The following NLK variants were observed in gnomAD, a reference collection of about 807,000 sequenced individuals.
The protein encoded by NLK is serine/threonine-protein kinase NLK.
NLK carries 11 observed loss-of-function variants against 59.0 expected under a neutral mutation model. The observed-to-expected ratio is 0.19, with a 90% CI of 0.12 to 0.31. The LOEUF is 0.31. Ranked by LOEUF, NLK falls within the 10% of genes least tolerant of loss-of-function variation. The pLI is 1.00. For synonymous variants in NLK, 235 were observed against 235.9 expected (o/e 1.00, Z 0.03); for missense variants, 410 against 661.1 (o/e 0.62, Z 4.16).
At chr17:28,078,986 A>G (rs1394540403) in intron 1 of NLK, among the ~76,000 whole-genome samples, 1 of 152,184 alleles carries the variant, frequency 6.6e-6, no homozygotes, top group Non-Finnish European at 1.5e-5. Context: ...GATCTCTAGA[A>G]CTTTTTCATC....
chr17:28,046,750 G>A (rs1220490081), intron 1 of NLK, among the ~76,000 whole-genome samples: 1 of 152,134 alleles, frequency 6.6e-6, no homozygotes, highest in East Asian at 1.9e-4. Flanking sequence ...TTTGAGGATC[G>A]CTGTGCCTAG....
chr17:28,159,930 A>G (rs1047424644), intron 3 of NLK, among the ~76,000 whole-genome samples: 1 of 152,218 alleles, frequency 6.6e-6, no homozygotes, highest in Non-Finnish European at 1.5e-5. Flanking sequence ...GGAGTAAAGG[A>G]TAACTCCTTG....
chr17:28,093,563 T>G (rs975802648), intron 1 of NLK, among the ~76,000 whole-genome samples: 1 of 152,140 alleles, frequency 6.6e-6, no homozygotes, highest in Admixed American at 6.5e-5. Flanking sequence ...TCACAGAACT[T>G]GAGTTGAGGG....
chr17:28,107,292 G>A (rs748344353), intron 1 of NLK, among the ~76,000 whole-genome samples: 18 of 151,994 alleles, frequency 1.2e-4, no homozygotes, highest in Non-Finnish European at 2.1e-4. Context: ...AAAATTAGCT[G>A]GGCGTGGTGG....
chr17:28,149,020 C>T (rs1907369606), intron 3 of NLK, among the ~76,000 whole-genome samples: 1 of 152,188 alleles, frequency 6.6e-6, no homozygotes, highest in African/African-American at 2.4e-5. Context: ...ATAGTGAGCA[C>T]TCAATAAATG....
intron 1 of NLK, among the ~76,000 whole-genome samples, chr17:28,068,185 C>T (rs1267796123): frequency 6.6e-6 from 1 of 151,514 alleles, no homozygotes; most frequent in African/African-American, 2.4e-5. Context: ...GTTCCAATAC[C>T]ATTTGTTGAA....
At chr17:28,083,069 T>G (rs903722229) in intron 1 of NLK, among the ~76,000 whole-genome samples, 3 of 152,222 alleles carry the variant, frequency 2.0e-5, no homozygotes, top group Non-Finnish European at 4.4e-5. Flanking sequence ...ACTGTTCTTA[T>G]GATACCATTC....
intron 1 of NLK, among the ~76,000 whole-genome samples, chr17:28,072,503 C>T (rs1910040814): frequency 6.6e-6 from 1 of 151,618 alleles, no homozygotes. Flanking sequence ...TTTTTAAAAA[C>T]TTTTTGTAGA....
intron 1 of NLK, among the ~76,000 whole-genome samples, chr17:28,045,713 C>G (rs551634819): frequency 1.4e-4 from 22 of 152,166 alleles, no homozygotes; most frequent in Admixed American, 2.0e-4. Context: ...TGTTGTATGA[C>G]CTAAGTAAGA....
chr17:28,181,240 A>G (rs1908892039), intron 7 of NLK, among the ~76,000 whole-genome samples: 1 of 152,170 alleles, frequency 6.6e-6, no homozygotes, highest in African/African-American at 2.4e-5. Context: ...TCCACTAAAA[A>G]TACAAAAAAA....
At chr17:28,172,746 G>A (rs1340384209) in intron 7 of NLK, 128 bp downstream of exon 7, 8 of 413,892 alleles carry the variant, frequency 1.9e-5, no homozygotes, top group African/African-American at 1.7e-4. Flanking sequence ...TTAACATCAA[G>A]GTCCTAAGTA....
At chr17:28,116,034 C>G (rs1397667033) in intron 1 of NLK, among the ~76,000 whole-genome samples, 1 of 152,024 alleles carries the variant, frequency 6.6e-6, no homozygotes, top group Non-Finnish European at 1.5e-5. Flanking sequence ...TAAAACAAAT[C>G]CTAGATCTCA....
At chr17:28,113,971 A>G (rs1905642031) in intron 1 of NLK, among the ~76,000 whole-genome samples, 1 of 151,998 alleles carries the variant, frequency 6.6e-6, no homozygotes, top group Non-Finnish European at 1.5e-5. Flanking sequence ...AATATTATGG[A>G]AATGGTATCT....
the NLK span, among the ~76,000 whole-genome samples, chr17:28,204,845 A>C: frequency 6.6e-6 from 1 of 152,202 alleles, no homozygotes. Flanking sequence ...TGCACTTCCT[A>C]AACTGTGATT....
chr17:28,196,743 C>T (rs1420725688), downstream of NLK, among the ~76,000 whole-genome samples: 8 of 152,100 alleles, frequency 5.3e-5, no homozygotes, highest in African/African-American at 1.7e-4. Flanking sequence ...GGTAAAGGGA[C>T]TTGACACCTC....
chr17:28,123,931 A>G (rs1906181774), intron 2 of NLK, among the ~76,000 whole-genome samples: 1 of 152,220 alleles, frequency 6.6e-6, no homozygotes, highest in Non-Finnish European at 1.5e-5. Context: ...ATAAAAACTT[A>G]TCAGAAAAAA....
At chr17:28,055,324 C>A (rs1462984880) in intron 1 of NLK, among the ~76,000 whole-genome samples, 1 of 152,024 alleles carries the variant, frequency 6.6e-6, no homozygotes, top group African/African-American at 2.4e-5. Flanking sequence ...ATCTCTTGAC[C>A]TCATGATTTG....
At position 28,083,875 on chromosome 17, in the gene NLK, G is replaced by A. The variant is rs1158913449; in HGVS notation, c.459-38728G>A. On this transcript the variant is annotated intron_variant, in intron 1 of 10. Coordinates refer to ENST00000407008, the MANE Select transcript of NLK (RefSeq NM_016231.5). ...ATAGGTATGAAGACACTATACAGAA[G>A]TAGCCACAGAGGAGTGGTTTAAGTT... 6.6e-5 allele frequency among the ~76,000 whole-genome samples: 10 copies of A among 152,254 alleles called. No homozygotes were observed. The East Asian group carries it at 1.5e-3, about 24-fold the overall frequency.
chr17:28,107,956 G>A (rs1222299240), intron 1 of NLK, among the ~76,000 whole-genome samples: 2 of 152,148 alleles, frequency 1.3e-5, no homozygotes, highest in African/African-American at 4.8e-5. Context: ...TTAACAGACT[G>A]GGTGCAGTGG....
Sources: gnomAD v4.1 joint callset for allele counts (sites outside exome capture counted in the v4.1 genomes callset) on GRCh38, gnomAD v4.1.1 for gene constraint, MANE v1.5 for transcripts, NCBI Gene and HGNC (gene_info 2026-07-23, HGNC 2026-07-21) for gene names.